Variants in GRIN2B observed in about 807,000 individuals in gnomAD.
GRIN2B encodes glutamate receptor ionotropic, NMDA 2B.
GRIN2B carries 5 observed loss-of-function variants against 114.5 expected under a neutral mutation model. The observed-to-expected ratio is 0.04, with a 90% confidence interval of 0.02 to 0.09. The LOEUF is 0.09. Ranked by LOEUF, GRIN2B falls within the 10% of genes least tolerant of loss-of-function variation. The pLI is 1.00. For synonymous variants in GRIN2B, 787 were observed against 745.1 expected, an observed-to-expected ratio of 1.06 and a Z score of -0.92; for missense variants, 1,108 against 1,943.5, an observed-to-expected ratio of 0.57 and a Z score of 8.08.
rs536785675 is a variant in GRIN2B, at chr12:13,733,782, CAT to C, written c.1010+19533_1010+19534del. ...AAAGAAACATAGAAGTTCAATACCTCATATAATCAAAAAATCAAAAAACTTTG... is the reference window on the plus strand; with the variant it reads ...AAAGAAACATAGAAGTTCAATACCTCATAATCAAAAAATCAAAAAACTTTG... On this transcript the variant is annotated intron_variant, in intron 4 of 13. Transcript: ENST00000609686. Among the ~76,000 whole-genome samples, 17 of 152,284 alleles carry C rather than the reference CAT, an allele frequency of 1.1e-4. 1 individual carries two copies. The South Asian group carries it at 3.5e-3, about 32-fold the overall frequency.
chr12:13,933,845 A>C (rs1370841942), intron 2 of GRIN2B, among the ~76,000 whole-genome samples: 1 of 152,222 alleles, frequency 6.6e-6, no homozygotes, highest in Non-Finnish European at 1.5e-5. Context: ...CTAAGCTAAC[A>C]GAATGAGGTT....
chr12:13,574,551 T>C (rs1401554611), intron 10 of GRIN2B, among the ~76,000 whole-genome samples: 1 of 152,152 alleles, frequency 6.6e-6, no homozygotes, highest in Admixed American at 6.5e-5. Context: ...CTGAAAAAAA[T>C]GGCAATCCAT....
At chr12:13,779,296 G>A (rs1377257306) in intron 3 of GRIN2B, among the ~76,000 whole-genome samples, 7 of 152,002 alleles carry the variant, frequency 4.6e-5, no homozygotes, top group African/African-American at 7.3e-5. Flanking sequence ...CATCTGCCTC[G>A]GCCTCCCAAA....
chr12:13,725,170 A>T (rs1331951123), intron 4 of GRIN2B, among the ~76,000 whole-genome samples: 7 of 152,084 alleles, frequency 4.6e-5, no homozygotes, highest in African/African-American at 4.8e-5. Context: ...GTCACTATCT[A>T]GCCTCAGGAT....
intron 2 of GRIN2B, among the ~76,000 whole-genome samples, chr12:13,974,261 G>C (rs1300380389): frequency 6.6e-6 from 1 of 152,198 alleles, no homozygotes; most frequent in Non-Finnish European, 1.5e-5. Flanking sequence ...AACAGAGTTA[G>C]CTGCAATCCA....
chr12:13,966,715 G>A (rs1867795073), intron 2 of GRIN2B, among the ~76,000 whole-genome samples: 1 of 152,160 alleles, frequency 6.6e-6, no homozygotes, highest in Admixed American at 6.5e-5. Context: ...TAGTGGGTTG[G>A]AAACAGGGGA....
rs1591602891 is a variant in GRIN2B, at chr12:13,560,785, T to C, written c.*1998A>G. The C allele has an allele frequency of 6.6e-6, 1 of 152,218 alleles. No individual in the cohort carries two copies. The highest frequency in any genetic ancestry group is 2.4e-5 in the African/African-American group (1 of 41,446). 9.4% of individuals were successfully genotyped at this position (152,218 alleles called of 1,614,324 possible). A position where few individuals can be genotyped will look rare whatever the true frequency, so the allele number is the denominator to read the frequency against. On this transcript the variant is annotated 3_prime_UTR_variant, in exon 14 of 14. Coordinates refer to ENST00000609686, the MANE Select transcript of GRIN2B (RefSeq NM_000834.5). ...CTTCAGTTGGCTTTAAAATGAAAGATACTGAGGTAAAAATCAAGGAGGAGG... is the reference window on the plus strand; with the variant it reads ...CTTCAGTTGGCTTTAAAATGAAAGACACTGAGGTAAAAATCAAGGAGGAGG...
intron 2 of GRIN2B, among the ~76,000 whole-genome samples, chr12:13,942,503 A>T (rs185700574): frequency 1.3e-5 from 2 of 152,338 alleles, no homozygotes; most frequent in East Asian, 3.9e-4. Flanking sequence ...AACTCAATTC[A>T]TTTGGAAATA....
At chr12:13,752,652 T>C (rs989521079) in intron 4 of GRIN2B, among the ~76,000 whole-genome samples, 5 of 152,128 alleles carry the variant, frequency 3.3e-5, no homozygotes, top group African/African-American at 9.7e-5. Context: ...TTATGCAAGA[T>C]GAGGGCTTGC....
At chr12:13,652,480 G>C (rs1949823915) in intron 5 of GRIN2B, among the ~76,000 whole-genome samples, 3 of 152,020 alleles carry the variant, frequency 2.0e-5, no homozygotes, top group Admixed American at 2.0e-4. Flanking sequence ...AGTGCTAACA[G>C]TCTGATGTAG....
Position 13,700,166 on chromosome 12 carries a change from A to G in GRIN2B, c.1011-24307T>C, listed in dbSNP as rs116770990. Among the ~76,000 whole-genome samples the G allele has an allele frequency of 8.7e-3, 1,329 of 152,194 alleles. 17 individuals are homozygous for G. The highest frequency in any genetic ancestry group is 0.031 in the African/African-American group (1,295 of 41,528). ...GGACTTTTCTTGAGACATCATCTGC[A>G]CAGTAAGTACACTGGTTTTATTCTC... On this transcript the variant is annotated intron_variant, in intron 4 of 13. Transcript: ENST00000609686.
intron 2 of GRIN2B, among the ~76,000 whole-genome samples, chr12:13,884,497 T>C (rs1445662796): frequency 1.3e-5 from 2 of 152,176 alleles, no homozygotes; most frequent in Non-Finnish European, 2.9e-5. Flanking sequence ...ACATTTATTT[T>C]AGTAGTTTTT....
At chr12:13,849,564 C>T (rs1279176957) in intron 3 of GRIN2B, among the ~76,000 whole-genome samples, 3 of 151,890 alleles carry the variant, frequency 2.0e-5, no homozygotes, top group Non-Finnish European at 4.4e-5. Flanking sequence ...TTCAGAGGGG[C>T]GGTGGGGGAA....
intron 3 of GRIN2B, among the ~76,000 whole-genome samples, chr12:13,827,053 G>T: frequency 6.6e-6 from 1 of 150,650 alleles, no homozygotes. Flanking sequence ...AGTATTTTAA[G>T]GACATCAGTC....
At chr12:13,848,538 T>C (rs1377352269) in intron 3 of GRIN2B, among the ~76,000 whole-genome samples, 1 of 152,186 alleles carries the variant, frequency 6.6e-6, no homozygotes, top group African/African-American at 2.4e-5. Context: ...GAAAAAATGG[T>C]TAAAAGTAGA....
In GRIN2B at chr12:13,566,932, T is replaced by C. The variant is rs1948648158; in HGVS notation, c.2598+93A>G. On this transcript the variant is annotated intron_variant, in intron 13 of 13. Coordinates refer to ENST00000609686, the MANE Select transcript of GRIN2B (RefSeq NM_000834.5). ...GTTTCTTGCTTGAGCAACATGGGGG[T>C]GGAGATAGTGTCCTCTTGGTTCTCT... is the stretch of plus-strand genomic sequence containing the variant. 5 of 855,696 alleles carry C rather than the reference T, an allele frequency of 5.8e-6. 1 individual carries two copies. The South Asian group carries it at 6.7e-5, about 11-fold the overall frequency. The allele number at this position is 855,696 out of a possible 1,614,324, so 53.0% of individuals were successfully genotyped here.
chr12:13,880,768 A>T (rs1866059659), intron 2 of GRIN2B, among the ~76,000 whole-genome samples: 1 of 152,218 alleles, frequency 6.6e-6, no homozygotes, highest in Non-Finnish European at 1.5e-5. Context: ...GAACCTAAGT[A>T]CAATGACCCT....
intron 8 of GRIN2B, among the ~76,000 whole-genome samples, chr12:13,613,440 G>C (rs1949391434): frequency 6.6e-6 from 1 of 152,138 alleles, no homozygotes; most frequent in South Asian, 2.1e-4. Flanking sequence ...CTAGGACTGA[G>C]AGGTCAAGGT....
intron 3 of GRIN2B, among the ~76,000 whole-genome samples, chr12:13,762,796 A>T (rs2136638286): frequency 6.6e-6 from 1 of 152,308 alleles, no homozygotes; most frequent in South Asian, 2.1e-4. Flanking sequence ...TAAAATGTGG[A>T]TCAGTCATGC....
Sources: allele counts gnomAD v4.1 joint callset (sites outside exome capture counted in the v4.1 genomes callset), GRCh38; gene constraint gnomAD v4.1.1; transcripts MANE v1.5; gene names NCBI Gene and HGNC (gene_info 2026-07-23, HGNC 2026-07-21).